PDE4D: variants seen among roughly 807,000 people sequenced by gnomAD.
PDE4D encodes the protein 3',5'-cyclic-AMP phosphodiesterase 4D.
Under a neutral mutation model 87.4 loss-of-function variants are expected in PDE4D, and 24 were observed. That is an observed-to-expected ratio of 0.27 (90% CI 0.20 to 0.39). PDE4D has a LOEUF of 0.39. Ranked by LOEUF, PDE4D falls within the 10% of genes least tolerant of loss-of-function variation. The pLI is 1.00. For synonymous variants in PDE4D, 384 were observed against 383.2 expected (o/e 1.00, Z -0.02); for missense variants, 714 against 1,041.0 (o/e 0.69, Z 4.32).
chr5:60,452,797 GA>G (rs1161698498), intron 1 of PDE4D, among the ~76,000 whole-genome samples: 3 of 151,936 alleles, frequency 2.0e-5, no homozygotes, highest in Non-Finnish European at 4.4e-5. Context: ...GCTGAAGGAA[GA>G]AAAAACAAAA....
intron 1 of PDE4D, among the ~76,000 whole-genome samples, chr5:60,484,392 G>C (rs369383363): frequency 2.6e-5 from 4 of 152,106 alleles, no homozygotes; most frequent in African/African-American, 7.2e-5. Flanking sequence ...CCTGTTTGAG[G>C]GAAGCAAACA....
intron 3 of PDE4D, among the ~76,000 whole-genome samples, chr5:59,903,578 C>T (rs1283133629): frequency 6.6e-6 from 1 of 152,098 alleles, no homozygotes; most frequent in East Asian, 1.9e-4. Context: ...TACTTTTGCA[C>T]CAACCTAATA....
rs547709230 is a variant in PDE4D at position 60,481,121 on chromosome 5, T to C, written c.-90+6821A>G. 2.6e-5 allele frequency among the ~76,000 whole-genome samples: 4 copies of C among 152,302 alleles called. No individual in the cohort carries two copies. The South Asian group carries it at 8.3e-4, about 32-fold the overall frequency. Reference sequence around the variant, plus strand: ...GTCTTTATTTCTTAAGTAGCTTGATTGTAAATTTGGTTTATAGGAGGAAAA... The same window carrying C: ...GTCTTTATTTCTTAAGTAGCTTGATCGTAAATTTGGTTTATAGGAGGAAAA... On this transcript the variant is annotated intron_variant, in intron 1 of 16. Transcript: ENST00000502484.
chr5:59,853,812 T>C (rs540890816), intron 1 of PDE4D, among the ~76,000 whole-genome samples: 2 of 152,216 alleles, frequency 1.3e-5, no homozygotes, highest in South Asian at 4.1e-4. Flanking sequence ...TGACATGCTA[T>C]GTATACTGAG....
At chr5:59,955,977 C>T (rs1347655683) in intron 3 of PDE4D, among the ~76,000 whole-genome samples, 1 of 152,138 alleles carries the variant, frequency 6.6e-6, no homozygotes, top group Non-Finnish European at 1.5e-5. Flanking sequence ...CTCACTGACA[C>T]AGTTATAGGA....
intron 1 of PDE4D, among the ~76,000 whole-genome samples, chr5:60,365,464 G>A (rs376164001): frequency 1.3e-5 from 2 of 151,900 alleles, no homozygotes; most frequent in East Asian, 2.0e-4. Context: ...CACTCCTTAC[G>A]GTTTTTTAAA....
intron 1 of PDE4D, among the ~76,000 whole-genome samples, chr5:59,616,160 C>T (rs1561331725): frequency 6.6e-6 from 1 of 152,044 alleles, no homozygotes; most frequent in South Asian, 2.1e-4. Context: ...TGATGTTCCC[C>T]TTCCTGTGTC....
At chr5:59,356,935 G>A (rs1020355293) in intron 1 of PDE4D, 9 of 1,409,008 alleles carry the variant, frequency 6.4e-6, no homozygotes, top group Non-Finnish European at 8.2e-6. Context: ...CACGGAGCAG[G>A]AGGCACTTGT....
upstream of PDE4D, among the ~76,000 whole-genome samples, chr5:59,898,017 A>G (rs1751847811): frequency 1.3e-5 from 2 of 152,194 alleles, no homozygotes; most frequent in Admixed American, 1.3e-4. Context: ...TACTAGTATT[A>G]AAGTCTCTAT....
chr5:59,480,192 C>G (rs1057197151), intron 1 of PDE4D, among the ~76,000 whole-genome samples: 1 of 150,924 alleles, frequency 6.6e-6, no homozygotes, highest in South Asian at 2.1e-4. Context: ...TATAGTACTC[C>G]AAGCTTTTTT....
chr5:59,228,444 A>C (rs58063862), intron 1 of PDE4D, among the ~76,000 whole-genome samples: 7 of 146,132 alleles, frequency 4.8e-5, no homozygotes, highest in African/African-American at 1.3e-4. Flanking sequence ...AACAACAAAA[A>C]AAAAAAACAA....
intron 6 of PDE4D, among the ~76,000 whole-genome samples, chr5:59,031,367 A>ATATATATATATATATATATATATAT (rs1429154235): frequency 6.2e-5 from 2 of 32,462 alleles, no homozygotes; most frequent in Admixed American, 3.5e-4. Context: ...AATGTGATAT[A>ATATATATATATATATATATATATAT]TATATATATA....
intron 5 of PDE4D, among the ~76,000 whole-genome samples, chr5:59,100,174 T>C (rs1311090872): frequency 6.6e-6 from 1 of 152,216 alleles, no homozygotes; most frequent in Non-Finnish European, 1.5e-5. Context: ...TGCTCCAAAA[T>C]ACAGAACACA....
At chr5:59,762,533 CATGTGTAT>C (rs1338444161) in intron 1 of PDE4D, among the ~76,000 whole-genome samples, 1 of 35,984 alleles carries the variant, frequency 2.8e-5, no homozygotes, top group Non-Finnish European at 5.9e-5. Context: ...TATGGGTACA[CATGTGTAT>C]ATGTGTATAT....
intron 1 of PDE4D, among the ~76,000 whole-genome samples, chr5:60,452,930 G>A (rs1211394144): frequency 6.6e-6 from 1 of 152,118 alleles, no homozygotes; most frequent in Non-Finnish European, 1.5e-5. Flanking sequence ...GAGAAAGCTA[G>A]GTTCAAATGC....
chr5:59,458,629 T>C (rs1362203547), intron 1 of PDE4D, among the ~76,000 whole-genome samples: 4 of 152,242 alleles, frequency 2.6e-5, no homozygotes, highest in South Asian at 2.1e-4. Flanking sequence ...AACTGTACGA[T>C]TGGTTAAGCA....
chr5:59,535,769 A>T (rs1227651117), intron 1 of PDE4D, among the ~76,000 whole-genome samples: 1 of 152,226 alleles, frequency 6.6e-6, no homozygotes, highest in East Asian at 1.9e-4. Flanking sequence ...TATAGTTTTT[A>T]AAAGGCATCA....
intron 1 of PDE4D, among the ~76,000 whole-genome samples, chr5:59,597,552 A>T (rs1826884433): frequency 6.6e-6 from 1 of 152,154 alleles, no homozygotes; most frequent in Non-Finnish European, 1.5e-5. Context: ...AGATTTTGGA[A>T]AAAAAAGAAA....
chr5:59,799,429 A>G (rs955575554), intron 1 of PDE4D, among the ~76,000 whole-genome samples: 5 of 152,244 alleles, frequency 3.3e-5, no homozygotes, highest in Non-Finnish European at 7.3e-5. Context: ...TGAATAAAAT[A>G]ACAGATGGCA....
Sources: gnomAD v4.1 joint callset for allele counts (sites outside exome capture counted in the v4.1 genomes callset) on GRCh38, gnomAD v4.1.1 for gene constraint, MANE v1.5 for transcripts, NCBI Gene and HGNC (gene_info 2026-07-23, HGNC 2026-07-21) for gene names.